NCOA2: variants seen among roughly 807,000 people sequenced by gnomAD.
The protein encoded by NCOA2 is nuclear receptor coactivator 2, also known as class E basic helix-loop-helix protein 75.
A neutral mutation model predicts 145.1 loss-of-function variants in NCOA2; 21 were observed. That is an observed-to-expected ratio of 0.14 (90% confidence interval 0.10 to 0.21). The LOEUF (loss-of-function observed/expected upper bound fraction) is 0.21, where lower values mean the gene tolerates loss of function less well. Ranked by LOEUF, NCOA2 falls within the 10% of genes least tolerant of loss-of-function variation. The pLI, the probability that NCOA2 is intolerant of heterozygous loss-of-function variation, is 1.00. For missense variants in NCOA2, 1,472 were observed against 1,837.6 expected (o/e 0.80, Z 3.64); for synonymous variants, 619 against 637.5 (o/e 0.97, Z 0.44).
intron 1 of NCOA2, among the ~76,000 whole-genome samples, chr8:70,362,938 T>C (rs1165149725): frequency 6.7e-6 from 1 of 149,562 alleles, no homozygotes. Flanking sequence ...ATTAGTCAGG[T>C]GTAGTGATGC....
At chr8:70,165,682 A>G (rs565486322) in intron 7 of NCOA2, among the ~76,000 whole-genome samples, 49 of 152,118 alleles carry the variant, frequency 3.2e-4, no homozygotes, top group East Asian at 1.9e-4. Context: ...AACCCCCTCC[A>G]TTCCCCACTC....
At chr8:70,181,562 G>T (rs868604241) in intron 4 of NCOA2, among the ~76,000 whole-genome samples, 5 of 152,090 alleles carry the variant, frequency 3.3e-5, no homozygotes, top group Admixed American at 1.3e-4. Flanking sequence ...CTTTCTGTTT[G>T]GTCAAGCCTG....
At chr8:70,207,560 C>G (rs1364492053) in intron 4 of NCOA2, among the ~76,000 whole-genome samples, 1 of 151,784 alleles carries the variant, frequency 6.6e-6, no homozygotes, top group East Asian at 1.9e-4. Context: ...AATAGTTAAT[C>G]TTCATTAAAA....
At chr8:70,335,828 T>C (rs1228069401) in intron 1 of NCOA2, among the ~76,000 whole-genome samples, 1 of 152,170 alleles carries the variant, frequency 6.6e-6, no homozygotes, top group Non-Finnish European at 1.5e-5. Flanking sequence ...CGAGGCTATA[T>C]GGTATAGCCT....
intron 1 of NCOA2, among the ~76,000 whole-genome samples, chr8:70,323,287 T>G (rs189147616): frequency 9.9e-5 from 15 of 152,190 alleles, no homozygotes; most frequent in Admixed American, 9.2e-4. Context: ...TAAAAGAAAA[T>G]GTAGTATGTT....
At chr8:70,343,934 T>C (rs1808374261) in intron 1 of NCOA2, among the ~76,000 whole-genome samples, 1 of 152,184 alleles carries the variant, frequency 6.6e-6, no homozygotes, top group Non-Finnish European at 1.5e-5. Context: ...TGGGACACTC[T>C]TGTGAACAAT....
chr8:70,342,810 CACACACACACAT>C (rs920012997), intron 1 of NCOA2, among the ~76,000 whole-genome samples: 12 of 148,498 alleles, frequency 8.1e-5, no homozygotes, highest in African/African-American at 2.7e-4. Flanking sequence ...CACACACACA[CACACACACACAT>C]CCCTACATGG....
chr8:70,118,029 C>T (rs149099873), intron 22 of NCOA2, among the ~76,000 whole-genome samples: 49 of 152,230 alleles, frequency 3.2e-4, no homozygotes, highest in Non-Finnish European at 5.6e-4. Flanking sequence ...GGGTGGCAGA[C>T]GGGGCCCATG....
intron 6 of NCOA2, among the ~76,000 whole-genome samples, chr8:70,169,370 C>G (rs573620102): frequency 2.6e-5 from 4 of 152,334 alleles, no homozygotes; most frequent in African/African-American, 9.6e-5. Context: ...GGAGAGTCTG[C>G]AAGACCGAAG....
chr8:70,408,059 T>C (rs1316583742), upstream of NCOA2, among the ~76,000 whole-genome samples: 1 of 152,140 alleles, frequency 6.6e-6, no homozygotes, highest in East Asian at 1.9e-4. Context: ...ACCTCCCTTA[T>C]TTCTCAAGCA....
At chr8:70,121,230 G>T in intron 22 of NCOA2, 72 bp downstream of exon 22, 1 of 1,229,416 alleles carries the variant, frequency 8.1e-7, no homozygotes, top group Non-Finnish European at 1.2e-6. Context: ...ATATATCTAT[G>T]CCACTTTTGG....
At chr8:70,302,406 A>ATTC (rs1196291316) in intron 1 of NCOA2, among the ~76,000 whole-genome samples, 5 of 152,136 alleles carry the variant, frequency 3.3e-5, no homozygotes, top group Non-Finnish European at 7.4e-5. Context: ...CAAGCTCATG[A>ATTC]TTTCTTTCTC....
At chr8:70,186,755 G>T (rs1216025840) in intron 4 of NCOA2, among the ~76,000 whole-genome samples, 1 of 152,122 alleles carries the variant, frequency 6.6e-6, no homozygotes, top group Admixed American at 6.5e-5. Flanking sequence ...TAAGAGATCA[G>T]GTAAAACAGT....
chr8:70,357,601 C>T (rs1809831441), intron 1 of NCOA2, among the ~76,000 whole-genome samples: 1 of 151,982 alleles, frequency 6.6e-6, no homozygotes, highest in South Asian at 2.1e-4. Context: ...ATTCGCCAGG[C>T]GTTGTGGTGG....
At chr8:70,390,105 TTTCTATC>T (rs1813052421) in intron 1 of NCOA2, among the ~76,000 whole-genome samples, 1 of 152,242 alleles carries the variant, frequency 6.6e-6, no homozygotes, top group South Asian at 2.1e-4. Context: ...TCCATTCTTT[TTTCTATC>T]TTCTAAGTAT....
intron 1 of NCOA2, among the ~76,000 whole-genome samples, chr8:70,358,615 T>C (rs974763837): frequency 1.3e-5 from 2 of 152,130 alleles, no homozygotes; most frequent in African/African-American, 2.4e-5. Flanking sequence ...TAATTCAAAA[T>C]AGATCAACCA....
intron 1 of NCOA2, among the ~76,000 whole-genome samples, chr8:70,316,767 C>G (rs1805614880): frequency 6.6e-6 from 1 of 152,148 alleles, no homozygotes; most frequent in Admixed American, 6.5e-5. Context: ...CCGAAGTAAC[C>G]TGATGTTAAA....
At chr8:70,199,107 G>C (rs1817633906) in intron 4 of NCOA2, among the ~76,000 whole-genome samples, 1 of 152,034 alleles carries the variant, frequency 6.6e-6, no homozygotes, top group Non-Finnish European at 1.5e-5. Flanking sequence ...CCAAGGTTTA[G>C]ATGAGGAAAA....
intron 2 of NCOA2, among the ~76,000 whole-genome samples, chr8:70,272,626 G>A (rs1457060422): frequency 6.6e-6 from 1 of 152,162 alleles, no homozygotes; most frequent in Non-Finnish European, 1.5e-5. Flanking sequence ...AGGGGAGCAA[G>A]GGGTGTGCAC....
Sources: gnomAD v4.1 joint callset for allele counts (sites outside exome capture counted in the v4.1 genomes callset) on GRCh38, gnomAD v4.1.1 for gene constraint, MANE v1.5 for transcripts, NCBI Gene and HGNC (gene_info 2026-07-23, HGNC 2026-07-21) for gene names.